The following SPI1 variants were observed in gnomAD, a reference collection of about 807,000 sequenced individuals.
The protein encoded by SPI1 is Spi-1 proto-oncogene, also known as transcription factor PU.1.
Under a neutral mutation model 30.7 loss-of-function variants are expected in SPI1, and 3 were observed. The ratio of observed to expected loss-of-function variants is 0.10; its 90% CI spans 0.04 to 0.25. The LOEUF (loss-of-function observed/expected upper bound fraction) is 0.25, where lower values mean the gene tolerates loss of function less well. SPI1 is among the 10% of genes least tolerant of loss of function. The probability of loss-of-function intolerance (pLI) is 1.00; values close to 1 mark genes in which losing one functional copy is unlikely to be tolerated. For synonymous variants in SPI1, 169 were observed against 157.1 expected, an observed-to-expected ratio of 1.08 and a Z score of -0.56; for missense variants, 261 against 371.5, an observed-to-expected ratio of 0.70 and a Z score of 2.45.
chr11:47,356,169 C>T (rs530992837), intron 4 of SPI1, among the ~76,000 whole-genome samples: 227 of 151,754 alleles, frequency 1.5e-3, no homozygotes, highest in Middle Eastern at 3.4e-3. Flanking sequence ...CACACACTGT[C>T]ACTTTCTCAC....
intron 4 of SPI1, among the ~76,000 whole-genome samples, chr11:47,357,007 T>TCCTCACACACCTCACAC (rs1565636200): frequency 2.1e-5 from 3 of 144,936 alleles, no homozygotes; most frequent in African/African-American, 7.8e-5. Flanking sequence ...TACACACACT[T>TCCTCACACACCTCACAC]CCTCACACAC....
At chr11:47,372,313 A>G (rs567362029) in intron 2 of SPI1, among the ~76,000 whole-genome samples, 4 of 152,178 alleles carry the variant, frequency 2.6e-5, no homozygotes, top group African/African-American at 9.6e-5. Flanking sequence ...GATAGCCTCT[A>G]TCTCTTGACC....
chr11:47,365,878 G>C (rs1231130436), intron 2 of SPI1, among the ~76,000 whole-genome samples: 1 of 152,044 alleles, frequency 6.6e-6, no homozygotes, highest in Non-Finnish European at 1.5e-5. Flanking sequence ...TGTATTTTTA[G>C]TATAAATGGG....
At chr11:47,356,245 C>G (rs2095908961) in intron 4 of SPI1, among the ~76,000 whole-genome samples, 1 of 151,072 alleles carries the variant, frequency 6.6e-6, no homozygotes, top group African/African-American at 2.4e-5. Flanking sequence ...TAACATGCCC[C>G]CACACACTGG....
At chr11:47,362,352 T>C (rs1196848249) in intron 2 of SPI1, among the ~76,000 whole-genome samples, 1 of 152,118 alleles carries the variant, frequency 6.6e-6, no homozygotes, top group East Asian at 1.9e-4. Context: ...GGAGGATCAC[T>C]TCAGCCCAGG....
rs1300322658 is a variant in SPI1, at chr11:47,375,009, A to C, written c.142+624T>G. Among the ~76,000 whole-genome samples the C allele has an allele frequency of 1.3e-5, 2 of 152,218 alleles. No homozygotes were observed. Among genetic ancestry groups the C allele is most frequent in the African/African-American group, 4.8e-5 (2 of 41,462 alleles). ...ATTTTGCCTCCCGGGGGGATCTGCC[A>C]ATGGGTGGAGACATTTTTGGTTGTC... On this transcript the variant is annotated intron_variant, in intron 2 of 4. Transcript: ENST00000378538. The surrounding 1 kb of genome is among the most constrained non-coding windows in gnomAD (Gnocchi z 4.2).
chr11:47,356,122 A>G (rs1595853877), intron 4 of SPI1, among the ~76,000 whole-genome samples: 2 of 150,746 alleles, frequency 1.3e-5, no homozygotes, highest in East Asian at 2.0e-4. Flanking sequence ...TTGCACCCAC[A>G]CCCACCCACT....
At chr11:47,355,844 A>G (rs1479915729) in intron 4 of SPI1, among the ~76,000 whole-genome samples, 1 of 115,566 alleles carries the variant, frequency 8.7e-6, no homozygotes, top group African/African-American at 3.6e-5. Flanking sequence ...CATCCACATA[A>G]CGCACCCACA....
At position 47,378,371 on chromosome 11, in the gene SPI1, C is replaced by T. The variant is rs199795796; in HGVS notation, c.-18G>A. On this transcript the variant is annotated 5_prime_UTR_variant, in exon 1 of 5. Coordinates refer to ENST00000378538, the MANE Select transcript of SPI1 (RefSeq NM_003120.3). ...TGTAACATCCAGCCGGGCTCCGAGT[C>T]GGTCAGATCCCCTGCCTCGGTGGGG... 169 of 1,610,402 alleles carry T rather than the reference C, an allele frequency of 1.0e-4. No homozygotes were observed. In the African/African-American group the frequency reaches 1.7e-3, roughly 16 times the overall value.
chr11:47,372,705 C>T (rs554603340), intron 2 of SPI1, among the ~76,000 whole-genome samples: 5 of 152,228 alleles, frequency 3.3e-5, no homozygotes, highest in African/African-American at 7.2e-5. Context: ...ACTCCCCAGC[C>T]GCTTTGTCCC....
intron 4 of SPI1, among the ~76,000 whole-genome samples, chr11:47,357,522 ACT>A (rs779419875): frequency 6.7e-6 from 1 of 150,320 alleles, no homozygotes; most frequent in East Asian, 2.0e-4. Context: ...AGCAGCTCAC[ACT>A]CATGCATGCT....
chr11:47,361,883 C>T (rs573319974), intron 2 of SPI1, among the ~76,000 whole-genome samples: 1 of 130,036 alleles, frequency 7.7e-6, no homozygotes, highest in African/African-American at 3.0e-5. Context: ...GCCTCTCATT[C>T]CCCACTCTAA....
At position 47,358,467 on chromosome 11, in the gene SPI1, C is replaced by G. The variant is rs532463366; in HGVS notation, c.493+377G>C. The stretch of plus-strand genomic sequence containing the variant: ...ACACAAACATGGCCACACCCACTCT[C>G]AGCCACACCAGCTCTCACATTCACC... On this transcript the variant is annotated intron_variant, in intron 4 of 4. Coordinates refer to ENST00000378538, the MANE Select transcript of SPI1 (RefSeq NM_003120.3). 2.9e-4 allele frequency: 187 copies of G among 645,622 alleles called. No individual in the cohort carries two copies. In the Middle Eastern group the frequency reaches 4.0e-3, roughly 14 times the overall value. The allele number at this position is 645,622 out of a possible 1,614,324, so 40.0% of individuals were successfully genotyped here. A position where few individuals can be genotyped will look rare whatever the true frequency, so the allele number is the denominator to read the frequency against.
At chr11:47,358,290 ATATCAC>A (rs1339664352) in intron 4 of SPI1, 3 of 249,420 alleles carry the variant, frequency 1.2e-5, no homozygotes, top group Non-Finnish European at 2.4e-5. Flanking sequence ...CCACTCACAC[ATATCAC>A]TCACACATGC....
chr11:47,378,438 C>G lies in SPI1; in HGVS notation c.-85G>C. 6.7e-7 allele frequency: 1 copy of G among 1,487,972 alleles called. No individual in the cohort carries two copies. 92.2% of individuals were successfully genotyped at this position (1,487,972 alleles called of 1,614,324 possible). A position where few individuals can be genotyped will look rare whatever the true frequency, so the allele number is the denominator to read the frequency against. On this transcript the variant is annotated 5_prime_UTR_variant, in exon 1 of 5. Transcript: ENST00000378538. The stretch of plus-strand genomic sequence containing the variant: ...TCAGGATGGGGTGCCCCGTCAGGGG[C>G]TGGACGGTCGTGGGGCGGGTGCAGG...
intron 4 of SPI1, chr11:47,358,133 T>C: frequency 5.2e-6 from 1 of 190,694 alleles, no homozygotes; most frequent in South Asian, 9.9e-5. Context: ...ACACACCTGC[T>C]TACATACACC....
At chr11:47,358,541 T>C in intron 4 of SPI1, 1 of 692,034 alleles carries the variant, frequency 1.4e-6, no homozygotes, top group Non-Finnish European at 2.7e-6. Context: ...CACCTGCCCG[T>C]ACCTGTGCAC....
chr11:47,364,225 AT>A (rs2095925215), intron 2 of SPI1, among the ~76,000 whole-genome samples: 1 of 151,156 alleles, frequency 6.6e-6, no homozygotes, highest in Admixed American at 6.6e-5. Flanking sequence ...AATTTTTTCT[AT>A]TTTTTAGTAG....
chr11:47,360,844 G>A (rs1297347729), intron 2 of SPI1, among the ~76,000 whole-genome samples: 2 of 144,906 alleles, frequency 1.4e-5, no homozygotes, highest in Admixed American at 7.0e-5. Context: ...AAACTCGGCC[G>A]GGCGCAGTGG....
Sources: allele counts gnomAD v4.1 joint callset (sites outside exome capture counted in the v4.1 genomes callset), GRCh38; gene constraint gnomAD v4.1.1; non-coding constraint Gnocchi (gnomAD v3.1); transcripts MANE v1.5; gene names NCBI Gene and HGNC (gene_info 2026-07-23, HGNC 2026-07-21).